LRRC53: variants seen among roughly 807,000 people sequenced by gnomAD.
The protein encoded by LRRC53 is leucine rich repeat containing 53.
A neutral mutation model predicts 13.6 loss-of-function variants in LRRC53; 25 were observed. The observed-to-expected ratio is 1.83, with a 90% confidence interval of 1.34 to 2.56. The LOEUF (loss-of-function observed/expected upper bound fraction) is 2.56. Ranked by LOEUF, LRRC53 falls within the 30% of genes most tolerant of loss-of-function variation. LRRC53 has a pLI of 0.00. For synonymous variants in LRRC53, 204 were observed against 109.8 expected (o/e 1.86, Z -5.37); for missense variants, 527 against 275.8 (o/e 1.91, Z -6.45).
chr1:74,480,443 T>G lies in LRRC53; in HGVS notation c.614A>C (p.Gln205Pro), dbSNP rs1668430800. Residue 205 changes from glutamine (Q) to proline (P), a missense_variant, in exon 3 of 5, where the codon CAG becomes CCG. Coordinates refer to ENST00000294635, the MANE Select transcript of LRRC53 (RefSeq NM_001382280.1). The stretch of plus-strand genomic sequence containing the variant: ...CTTATCTAAGCTCAGAAGGATTAAC[T>G]GCTTCAGTGGAGTAAACACATCCGG... ...HMPDVFTPLK[Q>P]LILLSLDKNQ... 1 of 717,440 alleles carries G rather than the reference T, an allele frequency of 1.4e-6. No homozygotes were observed. The highest frequency in any genetic ancestry group is 1.7e-5 in the African/African-American group (1 of 57,272). 44.4% of individuals were successfully genotyped at this position (717,440 alleles called of 1,614,324 possible).
At chr1:74,489,856 C>T (rs1668964799) in intron 1 of LRRC53, among the ~76,000 whole-genome samples, 1 of 151,974 alleles carries the variant, frequency 6.6e-6, no homozygotes, top group South Asian at 2.1e-4. Context: ...AACATGCACA[C>T]TACTTGAAAA....
chr1:74,536,137 T>C, the LRRC53 span, among the ~76,000 whole-genome samples: 1 of 152,252 alleles, frequency 6.6e-6, no homozygotes, highest in South Asian at 2.1e-4. Context: ...TACTCCTGCT[T>C]TGGGGAGTTG....
At chr1:74,530,544 A>G in the LRRC53 span, among the ~76,000 whole-genome samples, 1 of 152,140 alleles carries the variant, frequency 6.6e-6, no homozygotes, top group Non-Finnish European at 1.5e-5. Flanking sequence ...CATCAAATAG[A>G]ACTAGAAGAT....
intron 1 of LRRC53, among the ~76,000 whole-genome samples, chr1:74,506,397 A>G (rs2100361110): frequency 6.6e-6 from 1 of 152,356 alleles, no homozygotes; most frequent in South Asian, 2.1e-4. Flanking sequence ...CAGCAGGGCC[A>G]AGATTTGAGC....
chr1:74,535,941 T>G, the LRRC53 span, among the ~76,000 whole-genome samples: 14 of 152,196 alleles, frequency 9.2e-5, no homozygotes, highest in African/African-American at 3.4e-4. Flanking sequence ...TTTCCCCTTA[T>G]TATTTATCTT....
intron 1 of LRRC53, among the ~76,000 whole-genome samples, chr1:74,506,999 A>C (rs1418912895): frequency 6.6e-6 from 1 of 152,182 alleles, no homozygotes; most frequent in African/African-American, 2.4e-5. Context: ...CATATCTGTA[A>C]TACCAATTGA....
intron 1 of LRRC53, among the ~76,000 whole-genome samples, chr1:74,489,512 G>A (rs1417272620): frequency 6.6e-6 from 1 of 152,136 alleles, no homozygotes; most frequent in Admixed American, 6.6e-5. Flanking sequence ...CTTAAAAATT[G>A]ATAAGTAAAA....
chr1:74,521,969 G>C, the LRRC53 span, among the ~76,000 whole-genome samples: 9 of 152,080 alleles, frequency 5.9e-5, no homozygotes, highest in African/African-American at 2.2e-4. Flanking sequence ...TTCTAAACAG[G>C]TAACTGAGAT....
chr1:74,519,750 G>A, the LRRC53 span, among the ~76,000 whole-genome samples: 1 of 152,048 alleles, frequency 6.6e-6, no homozygotes, highest in African/African-American at 2.4e-5. Context: ...CTAATGTGAG[G>A]ACAAGTACCT....
At chr1:74,518,661 T>C in the LRRC53 span, among the ~76,000 whole-genome samples, 71 of 152,270 alleles carry the variant, frequency 4.7e-4, no homozygotes, top group African/African-American at 1.6e-3. Flanking sequence ...GCATCGCTAA[T>C]AGTGTTTTCA....
At chr1:74,481,886 A>G (rs1570679887) in intron 2 of LRRC53, among the ~76,000 whole-genome samples, 2 of 152,266 alleles carry the variant, frequency 1.3e-5, no homozygotes, top group East Asian at 3.9e-4. Context: ...AGAATAGTCA[A>G]CCCCAGGGAA....
At chr1:74,481,095 C>A in intron 2 of LRRC53, 127 bp from the exon 3 acceptor site, 1 of 572,844 alleles carries the variant, frequency 1.7e-6, no homozygotes, top group Non-Finnish European at 3.1e-6. Context: ...ATAAACAATA[C>A]AAAAAATGAA....
intron 1 of LRRC53, among the ~76,000 whole-genome samples, chr1:74,507,821 A>G (rs1385093418): frequency 1.3e-5 from 2 of 152,194 alleles, no homozygotes; most frequent in Non-Finnish European, 2.9e-5. Flanking sequence ...GAACTTAAGT[A>G]CCTTTGAAAT....
chr1:74,508,286 T>C (rs961275220), intron 1 of LRRC53, among the ~76,000 whole-genome samples: 1 of 152,236 alleles, frequency 6.6e-6, no homozygotes, highest in African/African-American at 2.4e-5. Context: ...ATAAAAATAG[T>C]AATAATAATA....
the LRRC53 span, among the ~76,000 whole-genome samples, chr1:74,525,710 G>A: frequency 6.6e-6 from 1 of 152,172 alleles, no homozygotes; most frequent in Non-Finnish European, 1.5e-5. Flanking sequence ...TGGAGGCCTG[G>A]ATGTGCACAA....
chr1:74,484,375 A>G (rs1482735590), intron 1 of LRRC53, among the ~76,000 whole-genome samples: 2 of 152,246 alleles, frequency 1.3e-5, no homozygotes, highest in Non-Finnish European at 2.9e-5. Flanking sequence ...CACTGCTCAC[A>G]GTACTGGGCA....
intron 2 of LRRC53, among the ~76,000 whole-genome samples, chr1:74,481,292 G>T (rs945971507): frequency 3.3e-5 from 5 of 152,040 alleles, no homozygotes; most frequent in African/African-American, 1.2e-4. Context: ...GTCTTTTCAG[G>T]CCCTCCCTCC....
At position 74,480,615 on chromosome 1, in the gene LRRC53, CTG is replaced by C. The variant is rs1668442105; in HGVS notation, c.440_441del (p.Thr147ArgfsTer45). ...AGATTCGTGCCTCCGAAAGAACTGT[CTG>C]TGAGATTAGTAATCTGATTCCCATC... ...QLDGNQITNL[T>X]DSSFGGTNLH... On this transcript the variant is annotated frameshift_variant, in exon 3 of 5. Coordinates refer to ENST00000294635, the MANE Select transcript of LRRC53 (RefSeq NM_001382280.1). LOFTEE classifies it high-confidence loss of function. 1.4e-6 allele frequency: 1 copy of C among 717,120 alleles called. No individual in the cohort carries two copies. Among genetic ancestry groups the C allele is most frequent in the Admixed American group, 2.0e-5 (1 of 50,002 alleles). The allele number at this position is 717,120 out of a possible 1,614,324, so 44.4% of individuals were successfully genotyped here. A position where few individuals can be genotyped will look rare whatever the true frequency, so the allele number is the denominator to read the frequency against.
chr1:74,481,280 G>A (rs1668487536), intron 2 of LRRC53, among the ~76,000 whole-genome samples: 1 of 152,092 alleles, frequency 6.6e-6, no homozygotes, highest in Admixed American at 6.6e-5. Flanking sequence ...TATTTTGAAG[G>A]TGTCTTTTCA....
Sources: gnomAD v4.1 joint callset for allele counts (sites outside exome capture counted in the v4.1 genomes callset) on GRCh38, gnomAD v4.1.1 for gene constraint, MANE v1.5 for transcripts, NCBI Gene and HGNC (gene_info 2026-07-23, HGNC 2026-07-21) for gene names.